The following MOXD1 variants were observed in gnomAD, a reference collection of about 807,000 sequenced individuals.
MOXD1 encodes the protein monooxygenase DBH like 1.
A neutral mutation model predicts 66.6 loss-of-function variants in MOXD1; 62 were observed. That is an observed-to-expected ratio of 0.93 (90% CI 0.76 to 1.15). MOXD1 has a LOEUF of 1.15. MOXD1 is among the 50% of genes most tolerant of loss of function. MOXD1 has a pLI of 0.00. For missense variants in MOXD1, 847 were observed against 754.6 expected (o/e 1.12, Z -1.44); for synonymous variants, 303 against 281.9 (o/e 1.07, Z -0.75).
chr6:132,386,007 G>A (rs1198325579), intron 1 of MOXD1, among the ~76,000 whole-genome samples: 1 of 150,728 alleles, frequency 6.6e-6, no homozygotes, highest in African/African-American at 2.4e-5. Context: ...GGAGGCTGCG[G>A]CAGGAGAATG....
intron 10 of MOXD1, among the ~76,000 whole-genome samples, chr6:132,301,198 T>TTATATA (rs34981314): frequency 1.6e-4 from 23 of 145,926 alleles, no homozygotes; most frequent in Admixed American, 3.4e-4. Context: ...ACGAATGGTA[T>TTATATA]TATATATATA....
chr6:132,333,164 G>A (rs554079153), intron 4 of MOXD1, among the ~76,000 whole-genome samples: 118 of 151,910 alleles, frequency 7.8e-4, no homozygotes, highest in Admixed American at 2.1e-3. Flanking sequence ...GTGAAACCCC[G>A]TCTCTACTAA....
intron 4 of MOXD1, among the ~76,000 whole-genome samples, chr6:132,359,641 G>C (rs985653340): frequency 6.6e-6 from 1 of 151,678 alleles, no homozygotes; most frequent in African/African-American, 2.4e-5. Flanking sequence ...CGCCCGCCAC[G>C]AAGCCCGGCT....
chr6:132,391,480 G>A (rs919021870), intron 1 of MOXD1: 1 of 152,034 alleles, frequency 6.6e-6, no homozygotes, highest in Non-Finnish European at 1.5e-5. Flanking sequence ...AAAAGAAATA[G>A]ATTTAGAAGA....
intron 1 of MOXD1, among the ~76,000 whole-genome samples, chr6:132,378,999 C>T (rs559556563): frequency 3.4e-4 from 50 of 145,610 alleles, no homozygotes; most frequent in South Asian, 1.7e-3. Flanking sequence ...CTGCAACCTC[C>T]GCCTCCTGGG....
chr6:132,307,815 C>T (rs1169571508), intron 10 of MOXD1, among the ~76,000 whole-genome samples: 1 of 152,008 alleles, frequency 6.6e-6, no homozygotes, highest in Non-Finnish European at 1.5e-5. Context: ...TTCTTTGAAA[C>T]CAATGAGAAC....
At chr6:132,348,374 T>G (rs564748814) in intron 4 of MOXD1, among the ~76,000 whole-genome samples, 1 of 152,348 alleles carries the variant, frequency 6.6e-6, no homozygotes, top group South Asian at 2.1e-4. Flanking sequence ...TCAGTGCACT[T>G]CAGTGTTCCC....
chr6:132,343,083 G>A (rs1775597124), intron 4 of MOXD1, among the ~76,000 whole-genome samples: 1 of 152,090 alleles, frequency 6.6e-6, no homozygotes, highest in Non-Finnish European at 1.5e-5. Flanking sequence ...CCTATCCTGG[G>A]GAAGTAAAGA....
chr6:132,361,966 T>A (rs992153320), intron 4 of MOXD1, among the ~76,000 whole-genome samples: 3 of 152,172 alleles, frequency 2.0e-5, no homozygotes, highest in Non-Finnish European at 4.4e-5. Context: ...ATGAGTTTTA[T>A]AAACTTGAAT....
intron 4 of MOXD1, among the ~76,000 whole-genome samples, chr6:132,369,260 C>T (rs7745081): frequency 0.046 from 7,002 of 152,076 alleles, 510 homozygotes; most frequent in African/African-American, 0.15. Flanking sequence ...CTTTCTAGTG[C>T]GGCACGTTGC....
chr6:132,338,516 T>C (rs189243592), intron 4 of MOXD1, among the ~76,000 whole-genome samples: 1 of 152,260 alleles, frequency 6.6e-6, no homozygotes, highest in East Asian at 1.9e-4. Context: ...TGGGTTTGGG[T>C]TGAGGCTGGA....
At chr6:132,377,651 A>T (rs1406083472) in intron 1 of MOXD1, among the ~76,000 whole-genome samples, 1 of 152,220 alleles carries the variant, frequency 6.6e-6, no homozygotes, top group African/African-American at 2.4e-5. Flanking sequence ...TAACCAAGTG[A>T]GTGCTTAATA....
chr6:132,336,776 C>T (rs185285416), intron 4 of MOXD1, among the ~76,000 whole-genome samples: 2 of 152,176 alleles, frequency 1.3e-5, no homozygotes, highest in East Asian at 1.9e-4. Flanking sequence ...GAAATGAGGG[C>T]GAGGAGGCTT....
At chr6:132,326,719 T>TCTC (rs1775195136) in intron 6 of MOXD1, among the ~76,000 whole-genome samples, 2 of 152,132 alleles carry the variant, frequency 1.3e-5, no homozygotes, top group Admixed American at 1.3e-4. Context: ...TGGTTCAGAG[T>TCTC]ATGGGATATA....
intron 4 of MOXD1, among the ~76,000 whole-genome samples, chr6:132,329,433 C>T (rs770131571): frequency 7.2e-5 from 11 of 152,068 alleles, no homozygotes; most frequent in Non-Finnish European, 1.3e-4. Context: ...AATAAACATA[C>T]ATGTGCATGT....
In MOXD1 at chr6:132,399,879, A is replaced by T. The variant is rs754152280; in HGVS notation, c.264+1284T>A. On this transcript the variant is annotated intron_variant, in intron 1 of 11. Coordinates refer to ENST00000367963, the MANE Select transcript of MOXD1 (RefSeq NM_015529.4). ...GTGAGGCCTGCATTTGTGGTCAAAT[A>T]CTTGGTTCATAAAGTTAATGTCTGA... 5.3e-5 allele frequency among the ~76,000 whole-genome samples: 8 copies of T among 152,236 alleles called. 1 individual carries two copies. Among genetic ancestry groups the T allele is most frequent in the Non-Finnish European group, 1.5e-5 (1 of 68,036 alleles).
At chr6:132,328,379 T>C in intron 5 of MOXD1, 36 bp downstream of exon 5, 1 of 1,604,112 alleles carries the variant, frequency 6.2e-7, no homozygotes. Flanking sequence ...ATATGATCAG[T>C]TAATTGTGTT....
intron 4 of MOXD1, among the ~76,000 whole-genome samples, chr6:132,348,451 G>A (rs976758766): frequency 2.0e-5 from 3 of 152,144 alleles, no homozygotes; most frequent in South Asian, 2.1e-4. Context: ...AAGGACAAAC[G>A]CAAGGGTCAT....
intron 6 of MOXD1, among the ~76,000 whole-genome samples, chr6:132,324,919 A>G (rs753932305): frequency 2.6e-4 from 40 of 151,308 alleles, no homozygotes; most frequent in Admixed American, 6.6e-4. Context: ...TATATCAAAT[A>G]TTCCTCATTG....
Sources: allele counts gnomAD v4.1 joint callset (sites outside exome capture counted in the v4.1 genomes callset), GRCh38; gene constraint gnomAD v4.1.1; transcripts MANE v1.5; gene names NCBI Gene and HGNC (gene_info 2026-07-23, HGNC 2026-07-21).